The following SRGAP3 variants were observed in gnomAD, a reference collection of about 807,000 sequenced individuals.
SRGAP3 encodes the protein SLIT-ROBO Rho GTPase-activating protein 3.
SRGAP3 carries 39 observed loss-of-function variants against 121.1 expected under a neutral mutation model. The ratio of observed to expected loss-of-function variants is 0.32; its 90% CI spans 0.25 to 0.42. The LOEUF (loss-of-function observed/expected upper bound fraction) is 0.42, where lower values mean the gene tolerates loss of function less well. SRGAP3 is among the 10% of genes least tolerant of loss of function. SRGAP3 has a pLI of 1.00. For synonymous variants in SRGAP3, 601 were observed against 570.0 expected, an observed-to-expected ratio of 1.05 and a Z score of -0.77; for missense variants, 1,213 against 1,470.6, an observed-to-expected ratio of 0.82 and a Z score of 2.86.
intron 3 of SRGAP3, among the ~76,000 whole-genome samples, chr3:9,286,614 T>G (rs1222738887): frequency 6.6e-6 from 1 of 152,204 alleles, no homozygotes. Flanking sequence ...TTGTTGTTGT[T>G]GTTTTTGAGA....
In SRGAP3 at chr3:8,982,800, T is replaced by C. The variant is rs1198829908; in HGVS notation, c.*2719A>G. On this transcript the variant is annotated 3_prime_UTR_variant, in exon 22 of 22. Coordinates refer to ENST00000383836, the MANE Select transcript of SRGAP3 (RefSeq NM_014850.4). Reference sequence around the variant, plus strand: ...TGGGGAGACGTCTGCCATCTGTGTGTGTACATCCCTAAATGTGAACTCATC... The same window carrying C: ...TGGGGAGACGTCTGCCATCTGTGTGCGTACATCCCTAAATGTGAACTCATC... The C allele has an allele frequency of 9.0e-6, 2 of 221,848 alleles. No individual in the cohort carries two copies. The highest frequency in any genetic ancestry group is 1.8e-5 in the Non-Finnish European group (2 of 112,104). The allele number at this position is 221,848 out of a possible 1,614,324, so 13.7% of individuals were successfully genotyped here.
chr3:9,129,904 G>A (rs541050629), intron 1 of SRGAP3, among the ~76,000 whole-genome samples: 1 of 152,028 alleles, frequency 6.6e-6, no homozygotes, highest in East Asian at 1.9e-4. Context: ...TGGGATTATA[G>A]GCACCGGCCA....
At chr3:9,347,770 C>T (rs1955933618) in intron 1 of SRGAP3, among the ~76,000 whole-genome samples, 1 of 152,176 alleles carries the variant, frequency 6.6e-6, no homozygotes, top group South Asian at 2.1e-4. Flanking sequence ...CCTTGACAAA[C>T]AAAGCTTACA....
chr3:9,195,593 G>A (rs1951891021), intron 1 of SRGAP3, among the ~76,000 whole-genome samples: 1 of 152,218 alleles, frequency 6.6e-6, no homozygotes, highest in East Asian at 1.9e-4. Context: ...CCTCCTTACA[G>A]GTATTTCCAG....
intron 14 of SRGAP3, among the ~76,000 whole-genome samples, chr3:9,018,279 G>GT (rs1943738293): frequency 6.6e-6 from 1 of 152,040 alleles, no homozygotes; most frequent in Non-Finnish European, 1.5e-5. Flanking sequence ...GGTTGCTTCC[G>GT]TATCTTTGCT....
intron 1 of SRGAP3, among the ~76,000 whole-genome samples, chr3:9,198,178 T>G (rs964815388): frequency 4.6e-5 from 7 of 152,264 alleles, no homozygotes; most frequent in Non-Finnish European, 8.8e-5. Context: ...CAAGGCTTTC[T>G]GTCATTACAT....
chr3:9,163,491 C>T (rs1950673068), intron 1 of SRGAP3, among the ~76,000 whole-genome samples: 1 of 152,220 alleles, frequency 6.6e-6, no homozygotes, highest in South Asian at 2.1e-4. Flanking sequence ...TTGGCCTTCC[C>T]CTAGGTCTTG....
intron 17 of SRGAP3, among the ~76,000 whole-genome samples, chr3:9,011,191 T>C (rs1245440291): frequency 6.6e-6 from 1 of 151,960 alleles, no homozygotes; most frequent in African/African-American, 2.4e-5. Context: ...CCGAAGTAAA[T>C]AGGCCATTAA....
At chr3:9,198,825 G>A (rs1194518997) in intron 1 of SRGAP3, among the ~76,000 whole-genome samples, 1 of 152,116 alleles carries the variant, frequency 6.6e-6, no homozygotes, top group African/African-American at 2.4e-5. Context: ...ACAGGCCCAG[G>A]CACCAAACAA....
chr3:9,357,660 A>G lies in SRGAP3; in HGVS notation n.214+5180T>C, dbSNP rs145754476. Among the ~76,000 whole-genome samples, 147 of 151,872 alleles carry G rather than the reference A, an allele frequency of 9.7e-4. 1 individual carries two copies. Among genetic ancestry groups the G allele is most frequent in the Non-Finnish European group, 1.2e-4 (8 of 67,970 alleles). ...TAGAGCCTAAGAGCCTTTGCAAGGA[A>G]CAGTGTCTGACCAGAATTTAATAAC... On this transcript the variant is annotated intron_variant and non_coding_transcript_variant, in intron 1 of 3. Coordinates refer to the SRGAP3 transcript ENST00000490889.
At chr3:9,242,435 G>C (rs1953679648) in intron 1 of SRGAP3, among the ~76,000 whole-genome samples, 2 of 152,294 alleles carry the variant, frequency 1.3e-5, no homozygotes, top group East Asian at 3.9e-4. Flanking sequence ...AGGAGTTTGA[G>C]ACCAGCCTGG....
chr3:9,255,102 G>A (rs1027824175), intron 3 of SRGAP3, among the ~76,000 whole-genome samples: 1 of 152,194 alleles, frequency 6.6e-6, no homozygotes, highest in Non-Finnish European at 1.5e-5. Context: ...TGGGCTAAAT[G>A]CCACTGAATT....
rs549436394 is a variant in SRGAP3 at position 9,003,416 on chromosome 3, T to C, written c.2227+6892A>G. On this transcript the variant is annotated intron_variant, in intron 18 of 21. Coordinates refer to ENST00000383836, the MANE Select transcript of SRGAP3 (RefSeq NM_014850.4). ...ATCACTTGAACCCAGGAGGCAGAGGTTGCAGTGAGCCAAGATTGTGCCACT... is the reference window on the plus strand; with the variant it reads ...ATCACTTGAACCCAGGAGGCAGAGGCTGCAGTGAGCCAAGATTGTGCCACT... 6.6e-5 allele frequency among the ~76,000 whole-genome samples: 10 copies of C among 152,168 alleles called. No individual in the cohort carries two copies. In the East Asian group the frequency reaches 1.2e-3, roughly 18 times the overall value.
intron 3 of SRGAP3, among the ~76,000 whole-genome samples, chr3:9,081,050 A>T (rs542104407): frequency 6.6e-6 from 1 of 152,280 alleles, no homozygotes; most frequent in South Asian, 2.1e-4. Flanking sequence ...CCCTGGTGCA[A>T]AAAAGGTTGG....
chr3:9,254,097 T>C (rs1247744082), upstream of SRGAP3, among the ~76,000 whole-genome samples: 3 of 152,250 alleles, frequency 2.0e-5, no homozygotes, highest in Admixed American at 6.5e-5. Context: ...ACACCTATCA[T>C]AGGCCAAAGA....
chr3:9,280,726 G>C (rs1954660248), intron 3 of SRGAP3, among the ~76,000 whole-genome samples: 1 of 152,178 alleles, frequency 6.6e-6, no homozygotes, highest in South Asian at 2.1e-4. Context: ...ACTCGACACA[G>C]ACATTTAATA....
intron 1 of SRGAP3, among the ~76,000 whole-genome samples, chr3:9,169,015 T>C (rs934103626): frequency 2.6e-5 from 4 of 152,148 alleles, no homozygotes; most frequent in African/African-American, 9.6e-5. Context: ...CCTTCCACCC[T>C]TGTGGACCCT....
At chr3:9,283,696 A>C (rs1025690661) in intron 3 of SRGAP3, among the ~76,000 whole-genome samples, 3 of 152,176 alleles carry the variant, frequency 2.0e-5, no homozygotes, top group Admixed American at 1.3e-4. Context: ...AATTTTTTTA[A>C]AAAAAAGAAA....
chr3:9,260,016 G>A (rs1208478387), intron 3 of SRGAP3, among the ~76,000 whole-genome samples: 1 of 151,958 alleles, frequency 6.6e-6, no homozygotes, highest in Non-Finnish European at 1.5e-5. Flanking sequence ...GAAGCAGGGT[G>A]GGGCGTCGCC....
Sources: gnomAD v4.1 joint callset for allele counts (sites outside exome capture counted in the v4.1 genomes callset) on GRCh38, gnomAD v4.1.1 for gene constraint, MANE v1.5 for transcripts, NCBI Gene and HGNC (gene_info 2026-07-23, HGNC 2026-07-21) for gene names.